Variants in ELANE observed in about 807,000 individuals in gnomAD.
ELANE encodes the protein elastase, neutrophil expressed.
A neutral mutation model predicts 20.6 loss-of-function variants in ELANE; 12 were observed. The ratio of observed to expected loss-of-function variants is 0.58; its 90% CI spans 0.37 to 0.94. The LOEUF is 0.94. ELANE is among the 40% of genes least tolerant of loss of function. The pLI, the probability that ELANE is intolerant of heterozygous loss-of-function variation, is 0.01. For missense variants in ELANE, 388 were observed against 395.2 expected (o/e 0.98, Z 0.15); for synonymous variants, 203 against 177.4 (o/e 1.14, Z -1.15).
At chr19:852,602 G>A (rs921906135) in intron 1 of ELANE, among the ~76,000 whole-genome samples, 1 of 140,524 alleles carries the variant, frequency 7.1e-6, no homozygotes, top group Admixed American at 7.0e-5. Context: ...GGAGGGGGGG[G>A]GGGTCGCAGG....
chr19:854,502 G>C (rs148385206), intron 3 of ELANE, among the ~76,000 whole-genome samples: 71 of 150,690 alleles, frequency 4.7e-4, no homozygotes, highest in Non-Finnish European at 8.8e-4. Context: ...TTTTCTCATA[G>C]CTCTCACCCA....
chr19:854,540 C>T (rs990029286), intron 3 of ELANE, among the ~76,000 whole-genome samples: 3 of 151,280 alleles, frequency 2.0e-5, no homozygotes, highest in African/African-American at 7.3e-5. Flanking sequence ...CAGCTCACTA[C>T]AGCCTCCATC....
chr19:852,439 G>C, intron 1 of ELANE, 44 bp downstream of exon 1: 2 of 1,588,686 alleles, frequency 1.3e-6, no homozygotes, highest in Non-Finnish European at 1.7e-6. Flanking sequence ...TCTGTCCCGG[G>C]TTCTGTTCCC....
rs2035621990 is a variant in ELANE at position 853,178 on chromosome 19, C to CCGTCG, written c.225-82_225-78dup. The CCGTCG allele has an allele frequency of 7.3e-6, 11 of 1,497,718 alleles. No individual in the cohort carries two copies. In the East Asian group the frequency reaches 2.8e-4, roughly 39 times the overall value. The allele number at this position is 1,497,718 out of a possible 1,614,324, so 92.8% of individuals were successfully genotyped here. ...CCCTCGAGCACCTTCGCCCTCAGGC[C>CCGTCG]CGTCGCCGGATGGGGACGACAAGGC... On this transcript the variant is annotated intron_variant, in intron 2 of 4. Coordinates refer to ENST00000263621, the MANE Select transcript of ELANE (RefSeq NM_001972.4).
intron 1 of ELANE, 36 bp downstream of exon 1, chr19:852,431 T>C: frequency 6.3e-7 from 1 of 1,595,364 alleles, no homozygotes. Flanking sequence ...CTGCTCCCTC[T>C]GTCCCGGGTT....
intron 3 of ELANE, among the ~76,000 whole-genome samples, chr19:854,744 T>G (rs1283166260): frequency 1.4e-5 from 2 of 146,328 alleles, no homozygotes; most frequent in Non-Finnish European, 3.0e-5. Context: ...TAATAATATT[T>G]ATATAATTAT....
Position 852,399 on chromosome 19 carries a change from A to G in ELANE, c.67+4A>G. 3 of 1,610,478 alleles carry G rather than the reference A, an allele frequency of 1.9e-6. No homozygotes were observed. The highest frequency in any genetic ancestry group is 2.5e-6 in the Non-Finnish European group (3 of 1,179,648). Reference sequence around the variant, plus strand: ...CTGCCGGCCTTGCTGCTGGGGGGTGAGTTTTTGAGTCCAACCTCCCGCTGC... The same window carrying G: ...CTGCCGGCCTTGCTGCTGGGGGGTGGGTTTTTGAGTCCAACCTCCCGCTGC... On this transcript the variant is annotated splice_donor_region_variant and intron_variant, in intron 1 of 4. Coordinates refer to ENST00000263621, the MANE Select transcript of ELANE (RefSeq NM_001972.4).
In ELANE at chr19:855,605, C is replaced by T. The variant is rs1481800238; in HGVS notation, c.408C>T (p.Ala136=). ...CCATCAACGCCAACGTGCAGGTGGC[C>T]CAGCTGCCGGCTCAGGGACGCCGCC... ...SATINANVQV[A]QLPAQGRRLG... is the part of the protein sequence containing the mutation. Residue 136 remains alanine, a synonymous_variant, in exon 4 of 5, where the codon GCC becomes GCT. Coordinates refer to ENST00000263621, the MANE Select transcript of ELANE (RefSeq NM_001972.4). The surrounding 1 kb of genome is among the most constrained non-coding windows in gnomAD (Gnocchi z 6.2). The T allele has an allele frequency of 6.2e-7, 1 of 1,601,680 alleles. No homozygotes were observed. The highest frequency in any genetic ancestry group is 1.1e-5 in the South Asian group (1 of 91,068).
Position 856,237 on chromosome 19 carries a change from T to C in ELANE, c.*73T>C. 6.4e-7 allele frequency: 1 copy of C among 1,574,662 alleles called. No homozygotes were observed. The highest frequency in any genetic ancestry group is 8.7e-7 in the Non-Finnish European group (1 of 1,147,344). Reference sequence around the variant, plus strand: ...CATCTGGCACAATAAACATTCTCTGTTTTGTAGAATGTGTTTGATGCTCCT... The same window carrying C: ...CATCTGGCACAATAAACATTCTCTGCTTTGTAGAATGTGTTTGATGCTCCT... On this transcript the variant is annotated 3_prime_UTR_variant, in exon 5 of 5. Coordinates refer to ENST00000263621, the MANE Select transcript of ELANE (RefSeq NM_001972.4).
At position 855,535 on chromosome 19, in the gene ELANE, G is replaced by A. The variant is rs764105963; in HGVS notation, c.367-29G>A. The A allele has an allele frequency of 5.1e-5, 81 of 1,594,936 alleles. 1 individual carries two copies. The highest frequency in any genetic ancestry group is 2.9e-4 in the East Asian group (13 of 44,726). On this transcript the variant is annotated intron_variant, in intron 3 of 4. Coordinates refer to ENST00000263621, the MANE Select transcript of ELANE (RefSeq NM_001972.4). The surrounding 1 kb of genome is among the most constrained non-coding windows in gnomAD (Gnocchi z 6.2). ...GGTCATCATCACTGCCCCGTGTGAC[G>A]CGCTGACGATCTGTCCCCACCGCCA...
rs756726256 is a variant in ELANE, at chr19:852,366, C to G, written c.38C>G (p.Ala13Gly). The change falls in exon 1 of 5, where the codon GCC (alanine) becomes GGC (glycine). Residue 13 changes from alanine (A) to glycine (G), a missense_variant. By Grantham distance (60) the Ala-to-Gly change is moderately conservative. Coordinates refer to ENST00000263621, the MANE Select transcript of ELANE (RefSeq NM_001972.4). The part of the protein sequence containing the change: ...LGRRLACLFL[A>G]CVLPALLLGG... ...CGCCGACTCGCGTGTCTTTTCCTCG[C>G]CTGTGTCCTGCCGGCCTTGCTGCTG... is the stretch of plus-strand genomic sequence containing the variant. 11 of 1,611,540 alleles carry G rather than the reference C, an allele frequency of 6.8e-6. No individual in the cohort carries two copies. Among genetic ancestry groups the G allele is most frequent in the Non-Finnish European group, 9.3e-6 (11 of 1,179,956 alleles).
chr19:854,471 G>T (rs115825038), intron 3 of ELANE, among the ~76,000 whole-genome samples: 3,542 of 150,904 alleles, frequency 0.023, 149 homozygotes, highest in African/African-American at 0.082. Context: ...GGGTTAGAGG[G>T]AGAGTTTCCT....
Position 855,153 on chromosome 19 carries a change from A to AT in ELANE, c.367-402dup, listed in dbSNP as rs977019262. ...TAGGCGTGAGCCACCGCACCTGGCA[A>AT]TTTTTTTTTATTATTTTTGTAGACA... On this transcript the variant is annotated intron_variant, in intron 3 of 4. Coordinates refer to ENST00000263621, the MANE Select transcript of ELANE (RefSeq NM_001972.4). The surrounding 1 kb of genome is among the most constrained non-coding windows in gnomAD (Gnocchi z 6.2). 4.6e-5 allele frequency among the ~76,000 whole-genome samples: 7 copies of AT among 151,454 alleles called. No individual in the cohort carries two copies. The highest frequency in any genetic ancestry group is 2.1e-4 in the South Asian group (1 of 4,778).
chr19:852,311 C>G lies in ELANE; in HGVS notation c.-18C>G, dbSNP rs756744772. The G allele has an allele frequency of 6.2e-7, 1 of 1,605,648 alleles. No homozygotes were observed. The highest frequency in any genetic ancestry group is 8.5e-7 in the Non-Finnish European group (1 of 1,179,444). On this transcript the variant is annotated 5_prime_UTR_variant, in exon 1 of 5. Transcript: ENST00000263621. ...GGCGGGCACGGAGGGGCAGAGACCCCGGAGCCCCAGCCCCACCATGACCCT... is the reference window on the plus strand; with the variant it reads ...GGCGGGCACGGAGGGGCAGAGACCCGGGAGCCCCAGCCCCACCATGACCCT...
In ELANE at chr19:852,860, C is replaced by A. The variant is rs767072880; in HGVS notation, c.68-16C>A. 6 of 1,592,928 alleles carry A rather than the reference C, an allele frequency of 3.8e-6. No individual in the cohort carries two copies. In the South Asian group the frequency reaches 6.6e-5, roughly 18 times the overall value. ...CCTTGGCAGGCACTCAGCACCCGCA[C>A]CCGGTGTGTCCCCAGGCACCGCGCT... On this transcript the variant is annotated splice_polypyrimidine_tract_variant and intron_variant, in intron 1 of 4. Coordinates refer to ENST00000263621, the MANE Select transcript of ELANE (RefSeq NM_001972.4).
chr19:854,828 A>G (rs930277075), intron 3 of ELANE, among the ~76,000 whole-genome samples: 15 of 146,696 alleles, frequency 1.0e-4, no homozygotes, highest in Non-Finnish European at 1.9e-4. Flanking sequence ...ATATTTTTAT[A>G]AAATAATAAA....
intron 3 of ELANE, 129 bp downstream of exon 3, chr19:853,532 C>T: frequency 1.9e-6 from 2 of 1,069,988 alleles, no homozygotes; most frequent in Non-Finnish European, 2.7e-6. Flanking sequence ...TGGGTGGTCC[C>T]CTCTCCGCGC....
In ELANE at chr19:856,161, C is replaced by G; in HGVS notation, c.801C>G (p.His267Gln). The part of the protein sequence containing the change: ...PRDPDPASRT[H>Q] ...ACCCGGACCCGGCCAGCAGGACCCA[C>G]TGAGAAGGGCTGCCCGGGTCACCTC... Residue 267 changes from histidine to glutamine, a missense_variant, in exon 5 of 5, where the codon CAC becomes CAG. Transcript: ENST00000263621. 1 of 1,612,848 alleles carries G rather than the reference C, an allele frequency of 6.2e-7. No homozygotes were observed. The highest frequency in any genetic ancestry group is 8.5e-7 in the Non-Finnish European group (1 of 1,180,036).
chr19:855,450 G>T lies in ELANE; in HGVS notation c.367-114G>T. 8.2e-7 allele frequency: 1 copy of T among 1,215,982 alleles called. No individual in the cohort carries two copies. The highest frequency in any genetic ancestry group is 1.2e-6 in the Non-Finnish European group (1 of 855,524). 75.3% of individuals were successfully genotyped at this position (1,215,982 alleles called of 1,614,324 possible). On this transcript the variant is annotated intron_variant, in intron 3 of 4. Transcript: ENST00000263621. This position sits in a 1 kb window ranked among gnomAD's most constrained non-coding sequence, Gnocchi z 6.2. ...GAGTGTGGGGTGGGTATCCTGCCCT[G>T]CAGGATCCCAGAACCACAGTGGAAC...
Sources: allele counts gnomAD v4.1 joint callset (sites outside exome capture counted in the v4.1 genomes callset), GRCh38; gene constraint gnomAD v4.1.1; non-coding constraint Gnocchi (gnomAD v3.1); transcripts MANE v1.5; gene names NCBI Gene and HGNC (gene_info 2026-07-23, HGNC 2026-07-21).